The following GALNT9 variants were observed in gnomAD, a reference collection of about 807,000 sequenced individuals.
GALNT9 encodes the protein polypeptide N-acetylgalactosaminyltransferase 9, also known as GalNAc transferase 9.
Under a neutral mutation model 63.1 loss-of-function variants are expected in GALNT9, and 47 were observed. That is an observed-to-expected ratio of 0.75 (90% CI 0.59 to 0.95). The LOEUF (loss-of-function observed/expected upper bound fraction) is 0.95. Among genes scored for constraint, GALNT9 ranks in the 40% least tolerant of loss-of-function variants. GALNT9 has a pLI of 0.00. For missense variants in GALNT9, 829 were observed against 874.8 expected (o/e 0.95, Z 0.66); for synonymous variants, 396 against 365.7 (o/e 1.08, Z -0.94).
At position 132,329,268 on chromosome 12, in the gene GALNT9, T is replaced by C; in HGVS notation, c.-65A>G. The C allele has an allele frequency of 6.7e-7, 1 of 1,499,958 alleles. No individual in the cohort carries two copies. Among genetic ancestry groups the C allele is most frequent in the Non-Finnish European group, 8.9e-7 (1 of 1,119,866 alleles). The allele number at this position is 1,499,958 out of a possible 1,614,324, so 92.9% of individuals were successfully genotyped here. A position where few individuals can be genotyped will look rare whatever the true frequency, so the allele number is the denominator to read the frequency against. Reference sequence around the variant, plus strand: ...CCAGCATCCCCGCCCGGGCCTGGGCTTCAGCTTCGGCTTCGGGGACCATGA... The same window carrying C: ...CCAGCATCCCCGCCCGGGCCTGGGCCTCAGCTTCGGCTTCGGGGACCATGA... On this transcript the variant is annotated 5_prime_UTR_variant, in exon 1 of 11. Transcript: ENST00000328957.
At chr12:132,263,185 G>A (rs1452660462) in intron 2 of GALNT9, among the ~76,000 whole-genome samples, 1 of 152,204 alleles carries the variant, frequency 6.6e-6, no homozygotes, top group Non-Finnish European at 1.5e-5. Flanking sequence ...TTCCCGCCCT[G>A]GCTCATAGCT....
chr12:132,198,098 T>TG (rs1875669842), intron 9 of GALNT9, 139 bp from the exon 10 acceptor site: 5 of 706,802 alleles, frequency 7.1e-6, no homozygotes, highest in Middle Eastern at 3.9e-4. Flanking sequence ...CCGGGGACGC[T>TG]GTTGCGGGCG....
In GALNT9 at chr12:132,238,362, G is replaced by A. The variant is rs2136896003; in HGVS notation, c.1077+9548C>T. On this transcript the variant is annotated intron_variant, in intron 6 of 10. Coordinates refer to ENST00000328957, the MANE Select transcript of GALNT9 (RefSeq NM_001122636.2). The surrounding 1 kb of genome is among the most constrained non-coding windows in gnomAD (Gnocchi z 6.5). ...TGGATGGGGGGCTTCAGGAGGGGCCGGGCAGGGGGACGTGGAGACGGCGCA... is the reference window on the plus strand; with the variant it reads ...TGGATGGGGGGCTTCAGGAGGGGCCAGGCAGGGGGACGTGGAGACGGCGCA... 2.6e-5 allele frequency among the ~76,000 whole-genome samples: 4 copies of A among 152,082 alleles called. No homozygotes were observed. Among genetic ancestry groups the A allele is most frequent in the Non-Finnish European group, 4.4e-5 (3 of 67,996 alleles).
intron 2 of GALNT9, among the ~76,000 whole-genome samples, chr12:132,270,829 G>A (rs1879837477): frequency 6.6e-6 from 1 of 151,994 alleles, no homozygotes; most frequent in South Asian, 2.1e-4. Flanking sequence ...AAGAGCGGGA[G>A]AAAAGATAAG....
intron 2 of GALNT9, among the ~76,000 whole-genome samples, chr12:132,264,037 G>A (rs1469958154): frequency 1.3e-5 from 2 of 152,208 alleles, no homozygotes; most frequent in Admixed American, 6.5e-5. Context: ...ACGAGGGCAG[G>A]TGGGGGCAGA....
At chr12:132,213,197 C>T (rs1323033418) in intron 6 of GALNT9, among the ~76,000 whole-genome samples, 1 of 82,846 alleles carries the variant, frequency 1.2e-5, no homozygotes, top group Non-Finnish European at 2.6e-5. Flanking sequence ...AGCCTTCAGA[C>T]CTCGACACGG....
At chr12:132,250,768 G>A (rs1878883818) in intron 5 of GALNT9, among the ~76,000 whole-genome samples, 1 of 151,816 alleles carries the variant, frequency 6.6e-6, no homozygotes, top group Admixed American at 6.6e-5. Context: ...TCCAGCCCGG[G>A]TGACAGAGGG....
intron 5 of GALNT9, among the ~76,000 whole-genome samples, chr12:132,250,593 C>G (rs886278107): frequency 3.9e-5 from 6 of 152,234 alleles, no homozygotes; most frequent in Non-Finnish European, 7.3e-5. Context: ...AGTTCAAGAT[C>G]AGACTGGCCA....
intron 1 of GALNT9, among the ~76,000 whole-genome samples, chr12:132,301,318 T>C (rs1040077802): frequency 3.9e-5 from 6 of 152,240 alleles, no homozygotes; most frequent in African/African-American, 1.4e-4. Context: ...AAGAAGCAGG[T>C]GACAGTGCCT....
At chr12:132,226,557 G>C (rs1214776414) in intron 6 of GALNT9, among the ~76,000 whole-genome samples, 1 of 108,874 alleles carries the variant, frequency 9.2e-6, no homozygotes, top group East Asian at 2.9e-4. Context: ...ACACCCCACT[G>C]TATATACACA....
intron 6 of GALNT9, among the ~76,000 whole-genome samples, chr12:132,230,687 C>G (rs1475486940): frequency 6.6e-6 from 1 of 152,248 alleles, no homozygotes; most frequent in Non-Finnish European, 1.5e-5. Flanking sequence ...GGGTGAGGCC[C>G]GGTCCTCCTG....
chr12:132,200,787 C>CA (rs11439802), intron 8 of GALNT9: 178,103 of 307,054 alleles, frequency 0.58, 53,400 homozygotes, highest in Non-Finnish European at 0.62. Context: ...TTGAATCAGG[C>CA]ATGTGAACAC....
chr12:132,326,580 T>A (rs1555246527), intron 1 of GALNT9, among the ~76,000 whole-genome samples: 1 of 152,068 alleles, frequency 6.6e-6, no homozygotes, highest in African/African-American at 2.4e-5. Context: ...CCAGCTCCCA[T>A]GAAGACGTGG....
intron 6 of GALNT9, among the ~76,000 whole-genome samples, chr12:132,237,142 G>T (rs1878033880): frequency 6.6e-6 from 1 of 152,108 alleles, no homozygotes; most frequent in South Asian, 2.1e-4. Flanking sequence ...TGTGCAGGCA[G>T]TGTGGGACCC....
intron 6 of GALNT9, among the ~76,000 whole-genome samples, chr12:132,213,280 T>C (rs1166302260): frequency 6.6e-6 from 1 of 151,128 alleles, no homozygotes; most frequent in African/African-American, 2.4e-5. Context: ...CTTCAGACCA[T>C]GACACAGAAA....
chr12:132,212,003 G>A lies in GALNT9; in HGVS notation c.1078-8313C>T, dbSNP rs985113782. On this transcript the variant is annotated intron_variant, in intron 6 of 10. Transcript: ENST00000328957. ...GTCTGCAGCTGTGAGTGATGCTTGCGTCAGTGGACACTCCGCATGGCAGCG... is the reference window on the plus strand; with the variant it reads ...GTCTGCAGCTGTGAGTGATGCTTGCATCAGTGGACACTCCGCATGGCAGCG... Among the ~76,000 whole-genome samples the A allele has an allele frequency of 5.3e-5, 8 of 152,352 alleles. 1 individual carries two copies. In the South Asian group the frequency reaches 1.0e-3, roughly 20 times the overall value.
Position 132,257,820 on chromosome 12 carries a change from G to A in GALNT9, c.828C>T (p.Asn276=). 1.3e-6 allele frequency: 2 copies of A among 1,550,298 alleles called. No individual in the cohort carries two copies. The highest frequency in any genetic ancestry group is 8.7e-7 in the Non-Finnish European group (1 of 1,146,834). The change falls in exon 5 of 11, where the codon AAC becomes AAT. Residue 276 remains asparagine, a synonymous_variant. Coordinates refer to ENST00000328957, the MANE Select transcript of GALNT9 (RefSeq NM_001122636.2). The part of the protein sequence containing the change: ...RRRIVLPAID[N]IKYSTFEVQQ... ...GCACCTCAAACGTGCTGTACTTGAT[G>A]TTGTCGATGGCTGGCAGCACGATGC...
intron 2 of GALNT9, among the ~76,000 whole-genome samples, chr12:132,277,081 C>A (rs1244747720): frequency 6.6e-6 from 1 of 152,208 alleles, no homozygotes; most frequent in Non-Finnish European, 1.5e-5. Flanking sequence ...TTTCCGATGA[C>A]CAGCCCTGTC....
At chr12:132,287,501 CG>C (rs1555242325) in intron 1 of GALNT9, among the ~76,000 whole-genome samples, 1 of 152,164 alleles carries the variant, frequency 6.6e-6, no homozygotes, top group Non-Finnish European at 1.5e-5. Flanking sequence ...ACCGAGCCGT[CG>C]ACACAGGCAG....
Sources: allele counts gnomAD v4.1 joint callset (sites outside exome capture counted in the v4.1 genomes callset), GRCh38; gene constraint gnomAD v4.1.1; non-coding constraint Gnocchi (gnomAD v3.1); transcripts MANE v1.5; gene names NCBI Gene and HGNC (gene_info 2026-07-23, HGNC 2026-07-21).